KCNK13: variants seen among roughly 807,000 people sequenced by gnomAD.
KCNK13 encodes the protein potassium channel subfamily K member 13.
Under a neutral mutation model 23.4 loss-of-function variants are expected in KCNK13, and 12 were observed. The observed-to-expected ratio is 0.51, with a 90% CI of 0.33 to 0.83. The LOEUF (loss-of-function observed/expected upper bound fraction) is 0.83, where lower values mean the gene tolerates loss of function less well. KCNK13 is among the 40% of genes least tolerant of loss of function. The pLI is 0.02. For missense variants in KCNK13, 463 were observed against 556.3 expected, an observed-to-expected ratio of 0.83 and a Z score of 1.69; for synonymous variants, 231 against 229.5, an observed-to-expected ratio of 1.01 and a Z score of -0.06.
chr14:90,138,343 A>G (rs528915513), intron 1 of KCNK13, among the ~76,000 whole-genome samples: 2 of 152,314 alleles, frequency 1.3e-5, no homozygotes, highest in East Asian at 3.9e-4. Flanking sequence ...TGACTGAAAC[A>G]TGTACTACCA....
chr14:90,141,961 A>AT (rs929536501), intron 1 of KCNK13, among the ~76,000 whole-genome samples: 2 of 149,372 alleles, frequency 1.3e-5, no homozygotes, highest in African/African-American at 2.5e-5. Context: ...TTTTTTTTGT[A>AT]TTTTTTTAGT....
At chr14:90,161,243 C>T (rs916569365) in intron 1 of KCNK13, among the ~76,000 whole-genome samples, 5 of 152,106 alleles carry the variant, frequency 3.3e-5, no homozygotes, top group African/African-American at 1.2e-4. Flanking sequence ...ATATGAGGTA[C>T]ACAGAATAAG....
intron 1 of KCNK13, among the ~76,000 whole-genome samples, chr14:90,119,505 T>G (rs58194052): frequency 1.3e-5 from 2 of 152,196 alleles, no homozygotes. Flanking sequence ...AATCAATAAA[T>G]AATCATCACA....
chr14:90,162,429 A>T (rs116576263), intron 1 of KCNK13, among the ~76,000 whole-genome samples: 1 of 152,224 alleles, frequency 6.6e-6, no homozygotes, highest in African/African-American at 2.4e-5. Context: ...GAAAAAGATC[A>T]TTGGATTGTA....
At chr14:90,086,387 C>T (rs1024045146) in intron 1 of KCNK13, among the ~76,000 whole-genome samples, 1 of 152,144 alleles carries the variant, frequency 6.6e-6, no homozygotes, top group Admixed American at 6.5e-5. Flanking sequence ...TGCCCAAAGC[C>T]ACACAGCTAG....
chr14:90,173,704 A>G (rs184913977), intron 1 of KCNK13, among the ~76,000 whole-genome samples: 124 of 152,280 alleles, frequency 8.1e-4, no homozygotes, highest in Non-Finnish European at 1.6e-3. Flanking sequence ...AAATTTCAGG[A>G]AAGTAGAGGT....
chr14:90,097,959 C>T (rs1566950970), intron 1 of KCNK13, among the ~76,000 whole-genome samples: 1 of 152,168 alleles, frequency 6.6e-6, no homozygotes, highest in African/African-American at 2.4e-5. Context: ...CATAAGCAAA[C>T]AGGGAGAATT....
intron 1 of KCNK13, among the ~76,000 whole-genome samples, chr14:90,111,189 C>T (rs1322885879): frequency 2.6e-5 from 4 of 152,164 alleles, no homozygotes; most frequent in African/African-American, 9.7e-5. Context: ...CAAAACAAAG[C>T]TCTAGTTCTC....
intron 1 of KCNK13, among the ~76,000 whole-genome samples, chr14:90,075,488 TC>T (rs1262282943): frequency 1.3e-5 from 2 of 152,208 alleles, no homozygotes; most frequent in Non-Finnish European, 2.9e-5. Flanking sequence ...TATGGACTTT[TC>T]TTTTTTTGAA....
intron 1 of KCNK13, among the ~76,000 whole-genome samples, chr14:90,139,422 G>T (rs561146550): frequency 2.6e-5 from 4 of 152,176 alleles, no homozygotes; most frequent in South Asian, 4.2e-4. Flanking sequence ...AGTGAGCAAG[G>T]GGGAGAGTGT....
At chr14:90,131,595 G>A (rs777992088) in intron 1 of KCNK13, among the ~76,000 whole-genome samples, 7 of 152,012 alleles carry the variant, frequency 4.6e-5, no homozygotes, top group African/African-American at 7.2e-5. Flanking sequence ...TGGCATGATC[G>A]TAGTTCACTG....
At chr14:90,091,849 T>C (rs1004351598) in intron 1 of KCNK13, among the ~76,000 whole-genome samples, 4 of 151,936 alleles carry the variant, frequency 2.6e-5, no homozygotes, top group African/African-American at 9.7e-5. Flanking sequence ...AGAATTGCAT[T>C]ATTATGTACT....
chr14:90,171,283 T>C (rs1364870044), intron 1 of KCNK13, among the ~76,000 whole-genome samples: 2 of 152,184 alleles, frequency 1.3e-5, no homozygotes, highest in African/African-American at 2.4e-5. Context: ...GGAAAACTCA[T>C]AGAGGCCAGA....
rs1045116732 is a variant in KCNK13 at position 90,158,386 on chromosome 14, G to A, written c.335-25725G>A. Reference sequence around the variant, plus strand: ...ATTCGTTTATTATCTGTCTCTGATAGGAGAGAGAAAAAAATATGGGCTAAG... The same window carrying A: ...ATTCGTTTATTATCTGTCTCTGATAAGAGAGAGAAAAAAATATGGGCTAAG... On this transcript the variant is annotated intron_variant, in intron 1 of 1. Coordinates refer to ENST00000282146, the MANE Select transcript of KCNK13 (RefSeq NM_022054.4). Among the ~76,000 whole-genome samples the A allele has an allele frequency of 3.3e-5, 5 of 152,342 alleles. No individual in the cohort carries two copies. In the South Asian group the frequency reaches 1.0e-3, roughly 32 times the overall value.
chr14:90,126,477 T>C (rs899758259), intron 1 of KCNK13, among the ~76,000 whole-genome samples: 3 of 151,790 alleles, frequency 2.0e-5, no homozygotes, highest in Non-Finnish European at 4.4e-5. Context: ...CGTGACGTGA[T>C]GAGAATAGCA....
chr14:90,148,052 A>G (rs976268484), intron 1 of KCNK13, among the ~76,000 whole-genome samples: 3 of 152,100 alleles, frequency 2.0e-5, no homozygotes, highest in African/African-American at 4.8e-5. Flanking sequence ...AGTACAAGCT[A>G]TTCGGGAGGC....
chr14:90,134,692 A>C (rs1889914824), intron 1 of KCNK13, among the ~76,000 whole-genome samples: 2 of 152,238 alleles, frequency 1.3e-5, no homozygotes, highest in Admixed American at 1.3e-4. Context: ...TCCTCATACT[A>C]TTCTTCATCT....
chr14:90,173,586 G>A (rs1596810653), intron 1 of KCNK13, among the ~76,000 whole-genome samples: 1 of 152,240 alleles, frequency 6.6e-6, no homozygotes, highest in Middle Eastern at 3.4e-3. Context: ...CCACACCAGG[G>A]TTTGAAATGG....
At chr14:90,177,426 T>C (rs1323080693) in intron 1 of KCNK13, 5 of 152,232 alleles carry the variant, frequency 3.3e-5, no homozygotes, top group African/African-American at 1.2e-4. Context: ...TCGTGTATTT[T>C]TCCCCCCTTT....
Sources: allele counts gnomAD v4.1 joint callset (sites outside exome capture counted in the v4.1 genomes callset), GRCh38; gene constraint gnomAD v4.1.1; transcripts MANE v1.5; gene names NCBI Gene and HGNC (gene_info 2026-07-23, HGNC 2026-07-21).